The following NTPCR variants were observed in gnomAD, a reference collection of about 807,000 sequenced individuals.
NTPCR encodes the protein nucleoside-triphosphatase, cancer-related.
A neutral mutation model predicts 19.5 loss-of-function variants in NTPCR; 15 were observed. The observed-to-expected ratio is 0.77, with a 90% CI of 0.51 to 1.18. NTPCR has a LOEUF of 1.18. Ranked by LOEUF, NTPCR falls within the 50% of genes most tolerant of loss-of-function variation. The probability of loss-of-function intolerance (pLI) is 0.00; values close to 1 mark genes in which losing one functional copy is unlikely to be tolerated. For missense variants in NTPCR, 206 were observed against 240.4 expected (o/e 0.86, Z 0.95); for synonymous variants, 90 against 95.8 (o/e 0.94, Z 0.36).
chr1:232,976,441 C>T (rs1212040566), intron 4 of NTPCR: 1 of 1,550,662 alleles, frequency 6.4e-7, no homozygotes, highest in Non-Finnish European at 8.7e-7. Flanking sequence ...ACTGCAATCA[C>T]TGCTGAACTC....
intron 3 of NTPCR, chr1:232,966,101 A>G (rs1668810388): frequency 6.6e-6 from 1 of 152,220 alleles, no homozygotes; most frequent in South Asian, 2.1e-4. Flanking sequence ...AAACACACAT[A>G]AAATATGACC....
chr1:232,962,082 G>A (rs1389464444), intron 3 of NTPCR: 1 of 152,098 alleles, frequency 6.6e-6, no homozygotes, highest in Non-Finnish European at 1.5e-5. Flanking sequence ...TGCGAACTAC[G>A]TGCCAGGCAT....
chr1:232,973,103 A>G (rs889571960), intron 4 of NTPCR, among the ~76,000 whole-genome samples: 4 of 152,208 alleles, frequency 2.6e-5, no homozygotes, highest in African/African-American at 7.2e-5. Context: ...CTACCAGCTG[A>G]ACATGCGTAG....
intron 1 of NTPCR, among the ~76,000 whole-genome samples, chr1:232,954,005 T>A (rs1668446335): frequency 6.6e-6 from 1 of 152,196 alleles, no homozygotes. Context: ...CTTTCACACA[T>A]TTGTATTGTT....
At chr1:232,954,841 G>T (rs1240978541) in intron 1 of NTPCR, among the ~76,000 whole-genome samples, 2 of 152,130 alleles carry the variant, frequency 1.3e-5, no homozygotes, top group East Asian at 3.9e-4. Context: ...CAGGCTGGAT[G>T]GACAGGAAGG....
In NTPCR at chr1:232,978,295, T is replaced by C. The variant is rs1669200830; in HGVS notation, c.*64T>C. The C allele has an allele frequency of 6.4e-6, 9 of 1,414,334 alleles. No individual in the cohort carries two copies. The South Asian group carries it at 1.1e-4, about 17-fold the overall frequency. The allele number at this position is 1,414,334 out of a possible 1,614,324, so 87.6% of individuals were successfully genotyped here. A position where few individuals can be genotyped will look rare whatever the true frequency, so the allele number is the denominator to read the frequency against. On this transcript the variant is annotated 3_prime_UTR_variant, in exon 5 of 5. Transcript: ENST00000366628. ...GTTCAAGAGGAGCCTGATGGAGCCCTGCCTGTCGAGGCTGTATGCCTATGG... is the reference window on the plus strand; with the variant it reads ...GTTCAAGAGGAGCCTGATGGAGCCCCGCCTGTCGAGGCTGTATGCCTATGG...
intron 1 of NTPCR, among the ~76,000 whole-genome samples, chr1:232,951,556 T>C (rs1312155969): frequency 6.6e-6 from 1 of 152,162 alleles, no homozygotes; most frequent in Non-Finnish European, 1.5e-5. Flanking sequence ...AAAAGATAGA[T>C]GGGCTAAGAG....
rs12075031 is a variant in NTPCR at position 232,965,998 on chromosome 1, A to C, written c.295-3911A>C. On this transcript the variant is annotated intron_variant, in intron 3 of 4. Coordinates refer to ENST00000366628, the MANE Select transcript of NTPCR (RefSeq NM_032324.3). ...GCCGGGTTACCAGGCGCCATCGGGC[A>C]GTCTAGACACCTTGTCCTGGCTATG... 2.5e-3 allele frequency: 384 copies of C among 152,408 alleles called. 1 individual carries two copies. Among genetic ancestry groups the C allele is most frequent in the African/African-American group, 8.6e-3 (359 of 41,582 alleles). The allele number at this position is 152,408 out of a possible 1,614,324, so 9.4% of individuals were successfully genotyped here. A position where few individuals can be genotyped will look rare whatever the true frequency, so the allele number is the denominator to read the frequency against.
At position 232,980,019 on chromosome 1, in the gene NTPCR, C is replaced by T. The variant is rs995689075; in HGVS notation, c.*1788C>T. 1 of 152,272 alleles carries T rather than the reference C, an allele frequency of 6.6e-6. No individual in the cohort carries two copies. The highest frequency in any genetic ancestry group is 1.5e-5 in the Non-Finnish European group (1 of 68,066). The allele number at this position is 152,272 out of a possible 1,614,324, so 9.4% of individuals were successfully genotyped here. ...TTCCGCCCTTCATGCATCTGAAACACCAAGGGCCATGTTCCTTCTGGTGCT... is the reference window on the plus strand; with the variant it reads ...TTCCGCCCTTCATGCATCTGAAACATCAAGGGCCATGTTCCTTCTGGTGCT... On this transcript the variant is annotated 3_prime_UTR_variant, in exon 5 of 5. Coordinates refer to ENST00000366628, the MANE Select transcript of NTPCR (RefSeq NM_032324.3).
chr1:232,954,374 G>T (rs536363227), intron 1 of NTPCR, among the ~76,000 whole-genome samples: 1 of 152,328 alleles, frequency 6.6e-6, no homozygotes, highest in African/African-American at 2.4e-5. Flanking sequence ...TTATGTCAAG[G>T]AGGCTTAAAA....
At chr1:232,976,740 T>C (rs190540454) in intron 4 of NTPCR, 3 of 596,574 alleles carry the variant, frequency 5.0e-6, no homozygotes, top group East Asian at 6.7e-5. Flanking sequence ...ATCACGGGAC[T>C]GACGCAGCCA....
chr1:232,955,456 C>T, intron 1 of NTPCR, 101 bp from the exon 2 acceptor site: 2 of 914,912 alleles, frequency 2.2e-6, no homozygotes. Context: ...CTCTACCCAC[C>T]ATAATTGCTG....
intron 3 of NTPCR, among the ~76,000 whole-genome samples, chr1:232,961,501 T>G (rs1668668410): frequency 6.6e-6 from 1 of 152,264 alleles, no homozygotes; most frequent in South Asian, 2.1e-4. Flanking sequence ...TCATTAAGTT[T>G]TCCTTAATTT....
chr1:232,982,780 C>G lies in NTPCR; in HGVS notation c.*4549C>G, dbSNP rs904199705. ...GCACCGTGGTTTTCCTCACTGAACT[C>G]AAGGAGTCACCCTCCGTGGGGAGGC... is the stretch of plus-strand genomic sequence containing the variant. On this transcript the variant is annotated 3_prime_UTR_variant, in exon 5 of 5. Coordinates refer to ENST00000366628, the MANE Select transcript of NTPCR (RefSeq NM_032324.3). The G allele has an allele frequency of 6.6e-6, 1 of 152,242 alleles. No homozygotes were observed. Among genetic ancestry groups the G allele is most frequent in the African/African-American group, 2.4e-5 (1 of 41,456 alleles). 9.4% of individuals were successfully genotyped at this position (152,242 alleles called of 1,614,324 possible).
intron 4 of NTPCR, among the ~76,000 whole-genome samples, chr1:232,973,185 T>C (rs1669030725): frequency 1.3e-5 from 2 of 152,314 alleles, no homozygotes; most frequent in South Asian, 2.1e-4. Context: ...TCTAGACTTA[T>C]TCTTCACAAT....
At chr1:232,975,893 G>T (rs1669110325) in intron 4 of NTPCR, among the ~76,000 whole-genome samples, 1 of 152,136 alleles carries the variant, frequency 6.6e-6, no homozygotes, top group Non-Finnish European at 1.5e-5. Context: ...CAAAATTCTG[G>T]CTGTTGAATA....
chr1:232,974,339 A>G (rs1669069040), intron 4 of NTPCR, among the ~76,000 whole-genome samples: 1 of 152,218 alleles, frequency 6.6e-6, no homozygotes, highest in Admixed American at 6.5e-5. Context: ...GCTCTAAAAG[A>G]ATGGCCAAAG....
intron 4 of NTPCR, among the ~76,000 whole-genome samples, chr1:232,974,443 G>A (rs1351152549): frequency 1.3e-5 from 2 of 152,332 alleles, no homozygotes; most frequent in Admixed American, 6.5e-5. Context: ...CTGAGTGAGT[G>A]TAGTGGGCTT....
intron 3 of NTPCR, among the ~76,000 whole-genome samples, chr1:232,958,995 A>G (rs1309034698): frequency 6.6e-6 from 1 of 152,198 alleles, no homozygotes; most frequent in Non-Finnish European, 1.5e-5. Flanking sequence ...ATTAAAAAAT[A>G]AAGAAATACA....
Sources: allele counts gnomAD v4.1 joint callset (sites outside exome capture counted in the v4.1 genomes callset), GRCh38; gene constraint gnomAD v4.1.1; transcripts MANE v1.5; gene names NCBI Gene and HGNC (gene_info 2026-07-23, HGNC 2026-07-21).